The following NAV3 variants were observed in gnomAD, a reference collection of about 807,000 sequenced individuals.
NAV3 encodes the protein neuron navigator 3, also known as pore membrane and/or filament interacting like protein 1.
Under a neutral mutation model 244.7 loss-of-function variants are expected in NAV3, and 87 were observed. That is an observed-to-expected ratio of 0.36 (90% CI 0.30 to 0.42). NAV3 has a LOEUF of 0.42. NAV3 is among the 20% of genes least tolerant of loss of function. The pLI is 1.00. For missense variants in NAV3, 2,663 were observed against 2,893.3 expected, an observed-to-expected ratio of 0.92 and a Z score of 1.83; for synonymous variants, 1,126 against 1,042.2, an observed-to-expected ratio of 1.08 and a Z score of -1.55.
At chr12:77,652,446 T>A (rs1298350638) in intron 2 of NAV3, among the ~76,000 whole-genome samples, 2 of 152,252 alleles carry the variant, frequency 1.3e-5, no homozygotes, top group African/African-American at 4.8e-5. Context: ...ATTTTAATTC[T>A]ACTCCTTCAC....
chr12:77,608,418 T>C (rs542919921), intron 2 of NAV3, among the ~76,000 whole-genome samples: 1 of 152,206 alleles, frequency 6.6e-6, no homozygotes, highest in African/African-American at 2.4e-5. Flanking sequence ...TAATCACAAG[T>C]GTCAGTTGAG....
chr12:77,795,720 A>G (rs1871377006), intron 2 of NAV3, among the ~76,000 whole-genome samples: 1 of 152,180 alleles, frequency 6.6e-6, no homozygotes, highest in Non-Finnish European at 1.5e-5. Context: ...GGGCTGATGT[A>G]GCTGATGAGT....
intron 2 of NAV3, among the ~76,000 whole-genome samples, chr12:77,816,214 C>T (rs1374166712): frequency 6.6e-6 from 1 of 152,102 alleles, no homozygotes; most frequent in African/African-American, 2.4e-5. Context: ...AAACATAGAC[C>T]ATGATTTTAT....
chr12:77,759,742 G>A (rs1869368397), intron 2 of NAV3, among the ~76,000 whole-genome samples: 1 of 148,370 alleles, frequency 6.7e-6, no homozygotes, highest in African/African-American at 2.5e-5. Context: ...GTTGCTCATT[G>A]GTGAAGACGG....
At position 78,122,387 on chromosome 12, in the gene NAV3, G is replaced by A. The variant is rs372736085; in HGVS notation, c.4197G>A (p.Leu1399=). 2.4e-5 allele frequency: 38 copies of A among 1,611,768 alleles called. No individual in the cohort carries two copies. Among genetic ancestry groups the A allele is most frequent in the Non-Finnish European group, 3.1e-5 (37 of 1,179,304 alleles). The change falls in exon 16 of 40, where the codon CTG becomes CTA. Residue 1399 remains leucine, a synonymous_variant. Transcript: ENST00000397909. ...CAGGCACTCACGAGGTCCAGAGCCT[G>A]CTCATGAGAACGGGTAGTGTGAGAT... ...LTTGTHEVQS[L]LMRTGSVRST...
intron 2 of NAV3, among the ~76,000 whole-genome samples, chr12:77,801,959 T>A (rs1457437209): frequency 6.6e-6 from 1 of 152,202 alleles, no homozygotes; most frequent in African/African-American, 2.4e-5. Flanking sequence ...CTTCATAGTA[T>A]TTTTGCTTAT....
At chr12:77,953,128 C>A (rs1313447714) in intron 3 of NAV3, among the ~76,000 whole-genome samples, 1 of 151,994 alleles carries the variant, frequency 6.6e-6, no homozygotes, top group Non-Finnish European at 1.5e-5. Flanking sequence ...GATTTAATAT[C>A]ATCTATAACT....
At chr12:77,827,730 A>G (rs1043260801), upstream of NAV3, among the ~76,000 whole-genome samples, 1 of 152,192 alleles carries the variant, frequency 6.6e-6, no homozygotes, top group Non-Finnish European at 1.5e-5. Context: ...TATGTGGAAA[A>G]CTATCTTAAC....
chr12:78,039,972 G>T (rs1467373798), intron 9 of NAV3, among the ~76,000 whole-genome samples: 2 of 152,058 alleles, frequency 1.3e-5, no homozygotes, highest in Non-Finnish European at 2.9e-5. Context: ...ACACAACATT[G>T]CTGTGATTAA....
intron 2 of NAV3, among the ~76,000 whole-genome samples, chr12:77,654,945 A>G (rs1873018057): frequency 6.6e-6 from 1 of 152,098 alleles, no homozygotes; most frequent in South Asian, 2.1e-4. Context: ...CATCCACACC[A>G]AAAACCCATC....
At chr12:77,994,962 C>T in intron 6 of NAV3, 91 bp downstream of exon 6, 1 of 900,392 alleles carries the variant, frequency 1.1e-6, no homozygotes, top group Non-Finnish European at 1.7e-6. Context: ...TTTAATGATG[C>T]ACTTCTGAAT....
intron 2 of NAV3, among the ~76,000 whole-genome samples, chr12:77,825,369 A>G (rs760222374): frequency 9.9e-5 from 15 of 152,194 alleles, no homozygotes; most frequent in Non-Finnish European, 1.3e-4. Context: ...AGAACAAAAT[A>G]ATGTGCTATG....
intron 15 of NAV3, among the ~76,000 whole-genome samples, chr12:78,121,421 T>C (rs1197753778): frequency 6.6e-6 from 1 of 152,140 alleles, no homozygotes; most frequent in Admixed American, 6.5e-5. Flanking sequence ...AACTGCTCCC[T>C]GACAGTGACT....
chr12:77,775,622 C>T (rs1448549834), intron 2 of NAV3, among the ~76,000 whole-genome samples: 1 of 151,970 alleles, frequency 6.6e-6, no homozygotes, highest in African/African-American at 2.4e-5. Flanking sequence ...GTATGTATAC[C>T]ACGTTAGAAC....
intron 5 of NAV3, among the ~76,000 whole-genome samples, chr12:77,972,437 T>C (rs1387684025): frequency 2.6e-5 from 4 of 152,188 alleles, no homozygotes; most frequent in African/African-American, 9.6e-5. Context: ...GAAAATTAGA[T>C]TTTATCTATG....
At chr12:78,014,618 A>T (rs17221278) in intron 8 of NAV3, among the ~76,000 whole-genome samples, 1 of 152,048 alleles carries the variant, frequency 6.6e-6, no homozygotes, top group East Asian at 1.9e-4. Context: ...GTGACAGGGA[A>T]ATTGACATTT....
At chr12:77,852,552 T>TAAAG (rs1246008980) in intron 1 of NAV3, among the ~76,000 whole-genome samples, 3 of 151,362 alleles carry the variant, frequency 2.0e-5, no homozygotes, top group African/African-American at 7.3e-5. Context: ...AATAAATAAA[T>TAAAG]AAATAAATAA....
At chr12:77,915,632 G>A (rs1221736422) in intron 1 of NAV3, among the ~76,000 whole-genome samples, 1 of 151,940 alleles carries the variant, frequency 6.6e-6, no homozygotes, top group Non-Finnish European at 1.5e-5. Context: ...AATTTTGTCA[G>A]GATGAGGAGG....
chr12:77,899,927 T>A (rs1414070801), intron 1 of NAV3, among the ~76,000 whole-genome samples: 1 of 152,178 alleles, frequency 6.6e-6, no homozygotes, highest in Non-Finnish European at 1.5e-5. Context: ...GCACGCTTGT[T>A]ACATGGGTAT....
Sources: gnomAD v4.1 joint callset for allele counts (sites outside exome capture counted in the v4.1 genomes callset) on GRCh38, gnomAD v4.1.1 for gene constraint, MANE v1.5 for transcripts, NCBI Gene and HGNC (gene_info 2026-07-23, HGNC 2026-07-21) for gene names.